The following CTNND2 variants were observed in gnomAD, a reference collection of about 807,000 sequenced individuals.
The protein encoded by CTNND2 is catenin delta 2.
CTNND2 carries 22 observed loss-of-function variants against 144.4 expected under a neutral mutation model. That is an observed-to-expected ratio of 0.15 (90% CI 0.11 to 0.22). The LOEUF is 0.22. Ranked by LOEUF, CTNND2 falls within the 10% of genes least tolerant of loss-of-function variation. CTNND2 has a pLI of 1.00. For missense variants in CTNND2, 1,353 were observed against 1,618.8 expected (o/e 0.84, Z 2.82); for synonymous variants, 751 against 695.6 (o/e 1.08, Z -1.25).
At chr5:11,815,935 A>G (rs572820325) in intron 1 of CTNND2, among the ~76,000 whole-genome samples, 113 of 152,324 alleles carry the variant, frequency 7.4e-4, no homozygotes, top group African/African-American at 2.6e-3. Context: ...AAGGTCTCCA[A>G]GATACCCACT....
chr5:11,145,807 TCTTAACAATCAG>T (rs1015823753), intron 12 of CTNND2, among the ~76,000 whole-genome samples: 8 of 152,118 alleles, frequency 5.3e-5, no homozygotes, highest in Non-Finnish European at 1.5e-5. Flanking sequence ...TCACAGACAG[TCTTAACAATCAG>T]CTCCCAATAG....
chr5:11,305,474 C>T (rs1399733865), intron 9 of CTNND2, among the ~76,000 whole-genome samples: 1 of 152,200 alleles, frequency 6.6e-6, no homozygotes, highest in Non-Finnish European at 1.5e-5. Flanking sequence ...GCAGCAATTC[C>T]ATGTGCCCTC....
At chr5:11,103,428 T>C (rs1752114665) in intron 14 of CTNND2, among the ~76,000 whole-genome samples, 1 of 151,918 alleles carries the variant, frequency 6.6e-6, no homozygotes, top group South Asian at 2.1e-4. Flanking sequence ...CCGAGCACTT[T>C]GGGAGGCTGA....
chr5:11,401,184 A>G (rs945497556), intron 5 of CTNND2, among the ~76,000 whole-genome samples: 2 of 152,198 alleles, frequency 1.3e-5, no homozygotes, highest in African/African-American at 4.8e-5. Context: ...GGTCATATCA[A>G]TACAGACACT....
At chr5:11,278,739 T>G (rs1746814777) in intron 9 of CTNND2, among the ~76,000 whole-genome samples, 1 of 152,128 alleles carries the variant, frequency 6.6e-6, no homozygotes, top group Non-Finnish European at 1.5e-5. Flanking sequence ...GGGAAATAGA[T>G]GAAGATGGGC....
intron 2 of CTNND2, among the ~76,000 whole-genome samples, chr5:11,589,849 G>A (rs1421232845): frequency 6.6e-6 from 1 of 152,164 alleles, no homozygotes; most frequent in Non-Finnish European, 1.5e-5. Flanking sequence ...AGTGGAATTA[G>A]GTTGCTGTGA....
At chr5:11,753,804 C>G (rs1377782720) in intron 1 of CTNND2, among the ~76,000 whole-genome samples, 2 of 151,704 alleles carry the variant, frequency 1.3e-5, no homozygotes, top group African/African-American at 4.8e-5. Context: ...TGGTACTCAG[C>G]TTTTTCTGGT....
rs370636735 is a variant in CTNND2, at chr5:11,408,047, C to T, written c.439+3489G>A. On this transcript the variant is annotated intron_variant, in intron 5 of 21. Coordinates refer to ENST00000304623, the MANE Select transcript of CTNND2 (RefSeq NM_001332.4). ...AAAAGAGATTATGACATTGATTCCC[C>T]GCTTGCTGCTAGACTCTGCTGGGGA... 1.1e-4 allele frequency among the ~76,000 whole-genome samples: 16 copies of T among 152,144 alleles called. No individual in the cohort carries two copies. In the East Asian group the frequency reaches 2.9e-3, roughly 28 times the overall value.
intron 10 of CTNND2, among the ~76,000 whole-genome samples, chr5:11,214,746 T>C (rs1358368669): frequency 2.6e-5 from 4 of 152,134 alleles, no homozygotes; most frequent in East Asian, 1.9e-4. Context: ...TCGGCTTCCA[T>C]TGCCTTGGGC....
chr5:11,346,250 C>A, intron 9 of CTNND2, 122 bp downstream of exon 9: 1 of 986,240 alleles, frequency 1.0e-6, no homozygotes, highest in Non-Finnish European at 1.4e-6. Context: ...AAAAGAAAAC[C>A]CAAGAAAAGC....
chr5:11,719,620 C>T (rs971327994), intron 2 of CTNND2, among the ~76,000 whole-genome samples: 2 of 152,052 alleles, frequency 1.3e-5, no homozygotes, highest in Non-Finnish European at 2.9e-5. Flanking sequence ...TTATCCTTAG[C>T]GATGAAATAC....
In CTNND2 at chr5:11,384,996, G is replaced by A. The variant is rs964255079; in HGVS notation, c.846C>T (p.Arg282=). 6.6e-6 allele frequency: 10 copies of A among 1,509,690 alleles called. No homozygotes were observed. The highest frequency in any genetic ancestry group is 5.6e-5 in the African/African-American group (4 of 71,118). 93.5% of individuals were successfully genotyped at this position (1,509,690 alleles called of 1,614,324 possible). ...TGGCGCCCTCGGGGGCCGAGCCGCC[G>A]CGCTGCAGCTTGGTGGGCGAACCGC... ...PQGGSPTKLQ[R]GGSAPEGATY... is the part of the protein sequence containing the mutation. Residue 282 remains arginine (R), a synonymous_variant, in exon 7 of 22, where the codon CGC becomes CGT. Transcript: ENST00000304623. The surrounding 1 kb of genome is among the most constrained non-coding windows in gnomAD (Gnocchi z 5.2).
intron 16 of CTNND2, among the ~76,000 whole-genome samples, chr5:11,057,067 T>C (rs1351109908): frequency 6.6e-6 from 1 of 152,224 alleles, no homozygotes; most frequent in African/African-American, 2.4e-5. Context: ...TGATCTGCAC[T>C]ATAGAAAATC....
At chr5:11,457,945 A>C (rs1765878151) in intron 3 of CTNND2, among the ~76,000 whole-genome samples, 2 of 152,204 alleles carry the variant, frequency 1.3e-5, no homozygotes, top group African/African-American at 4.8e-5. Context: ...TCTTACTTGC[A>C]TGGGCTCTGA....
Position 10,992,734 on chromosome 5 carries a change from C to T in CTNND2, c.3085-57G>A, listed in dbSNP as rs145419560. ...GCAAGACAGAGTGATTTTTCACCTC[C>T]GGACATTTTTAAGTTCCAAGTATCT... On this transcript the variant is annotated intron_variant, in intron 18 of 21. Transcript: ENST00000304623. The T allele has an allele frequency of 4.4e-5, 70 of 1,584,720 alleles. No homozygotes were observed. In the African/African-American group the frequency reaches 4.5e-4, roughly 10 times the overall value.
chr5:11,682,759 C>T (rs1011125900), intron 2 of CTNND2, among the ~76,000 whole-genome samples: 1 of 152,174 alleles, frequency 6.6e-6, no homozygotes, highest in African/African-American at 2.4e-5. Context: ...AGGGTCCTTG[C>T]TCTTGGATGG....
At chr5:11,681,187 A>AG (rs1784407995) in intron 2 of CTNND2, among the ~76,000 whole-genome samples, 1 of 152,220 alleles carries the variant, frequency 6.6e-6, no homozygotes, top group East Asian at 1.9e-4. Flanking sequence ...GAATGGTAAG[A>AG]GGAAAACCAA....
intron 2 of CTNND2, among the ~76,000 whole-genome samples, chr5:11,573,220 C>A (rs180971976): frequency 6.6e-6 from 1 of 152,114 alleles, no homozygotes; most frequent in African/African-American, 2.4e-5. Flanking sequence ...TAAGTAATTG[C>A]TTAAAATATT....
intron 3 of CTNND2, among the ~76,000 whole-genome samples, chr5:11,436,610 G>T (rs1763799969): frequency 6.6e-6 from 1 of 152,132 alleles, no homozygotes; most frequent in Non-Finnish European, 1.5e-5. Context: ...CCTTGGTTTT[G>T]ACTGATTCAA....
Sources: allele counts gnomAD v4.1 joint callset (sites outside exome capture counted in the v4.1 genomes callset), GRCh38; gene constraint gnomAD v4.1.1; non-coding constraint Gnocchi (gnomAD v3.1); transcripts MANE v1.5; gene names NCBI Gene and HGNC (gene_info 2026-07-23, HGNC 2026-07-21).